Variants in PLB1 observed in about 807,000 individuals in gnomAD.
PLB1 encodes the protein phospholipase B1, membrane-associated.
Under a neutral mutation model 227.4 loss-of-function variants are expected in PLB1, and 242 were observed. The ratio of observed to expected loss-of-function variants is 1.06; its 90% confidence interval spans 0.96 to 1.18. The LOEUF is 1.18. PLB1 is among the 50% of genes most tolerant of loss of function. The pLI is 0.00. For synonymous variants in PLB1, 757 were observed against 682.2 expected, an observed-to-expected ratio of 1.11 and a Z score of -1.71; for missense variants, 1,858 against 1,816.3, an observed-to-expected ratio of 1.02 and a Z score of -0.42.
chr2:28,623,381 A>G (rs1687306544), intron 49 of PLB1, among the ~76,000 whole-genome samples: 1 of 152,176 alleles, frequency 6.6e-6, no homozygotes, highest in African/African-American at 2.4e-5. Flanking sequence ...AAGAAGCGGC[A>G]TTTGTAACTT....
chr2:28,505,039 A>G (rs2148159828), intron 1 of PLB1, among the ~76,000 whole-genome samples: 1 of 152,348 alleles, frequency 6.6e-6, no homozygotes, highest in Middle Eastern at 3.4e-3. Flanking sequence ...TTTGAGGATC[A>G]CTTCAAACTA....
chr2:28,615,402 C>T (rs1308202685), intron 44 of PLB1, among the ~76,000 whole-genome samples: 1 of 152,180 alleles, frequency 6.6e-6, no homozygotes, highest in Non-Finnish European at 1.5e-5. Context: ...TCAAAGATCT[C>T]CCTGACTGCT....
rs140873408 is a variant in PLB1, at chr2:28,496,418, C to T, written c.55+249C>T. 2.8e-3 allele frequency among the ~76,000 whole-genome samples: 423 copies of T among 152,186 alleles called. 3 individuals are homozygous for T. The highest frequency in any genetic ancestry group is 9.5e-3 in the African/African-American group (394 of 41,498). On this transcript the variant is annotated intron_variant, in intron 1 of 57. Transcript: ENST00000327757. ...CTTGGGACAGGAGAGAAGTGCAGTC[C>T]GGTAGCAGTACCATGGTACAAAAAA...
intron 56 of PLB1, among the ~76,000 whole-genome samples, chr2:28,635,309 A>C (rs1211140780): frequency 6.6e-6 from 1 of 152,182 alleles, no homozygotes; most frequent in Non-Finnish European, 1.5e-5. Flanking sequence ...TTTCACCCCT[A>C]GAGTAACAAA....
intron 21 of PLB1, among the ~76,000 whole-genome samples, chr2:28,576,902 C>T (rs931013426): frequency 6.6e-6 from 1 of 152,172 alleles, no homozygotes; most frequent in Non-Finnish European, 1.5e-5. Flanking sequence ...TACTATGACT[C>T]ACATCAGGCC....
rs368188253 is a variant in PLB1 at position 28,566,865 on chromosome 2, GT to G, written c.1324+29del. The G allele has an allele frequency of 3.0e-5, 48 of 1,613,778 alleles. No homozygotes were observed. The African/African-American group carries it at 5.6e-4, about 19-fold the overall frequency. ...GTGAGTACGCGGCGGCGGCCGGGAT[GT>G]TTGGTTTGGGGCGGCCCCTGCACGC... is the stretch of plus-strand genomic sequence containing the variant. On this transcript the variant is annotated intron_variant, in intron 20 of 57. Coordinates refer to ENST00000327757, the MANE Select transcript of PLB1 (RefSeq NM_153021.5).
chr2:28,641,379 G>T (rs185237908), intron 57 of PLB1, among the ~76,000 whole-genome samples: 1 of 152,292 alleles, frequency 6.6e-6, no homozygotes, highest in East Asian at 1.9e-4. Context: ...AGGCCGAGGC[G>T]GTCAGATCAC....
chr2:28,541,852 G>C, intron 13 of PLB1, 41 bp downstream of exon 13: 1 of 1,502,742 alleles, frequency 6.7e-7, no homozygotes, highest in Non-Finnish European at 9.2e-7. Flanking sequence ...TGTGGTGGGG[G>C]CCGGGCATGG....
chr2:28,538,598 G>T (rs980318647), intron 10 of PLB1, among the ~76,000 whole-genome samples: 1 of 152,128 alleles, frequency 6.6e-6, no homozygotes, highest in East Asian at 1.9e-4. Flanking sequence ...AGAGAAACTC[G>T]GCTCTTCCTT....
chr2:28,608,667 C>T (rs1358419495), intron 43 of PLB1, among the ~76,000 whole-genome samples: 1 of 152,216 alleles, frequency 6.6e-6, no homozygotes, highest in South Asian at 2.1e-4. Flanking sequence ...CCTTTCCTAA[C>T]CCCAGGGCAG....
intron 56 of PLB1, among the ~76,000 whole-genome samples, chr2:28,638,326 C>T (rs1689603132): frequency 6.6e-6 from 1 of 151,962 alleles, no homozygotes; most frequent in Admixed American, 6.6e-5. Context: ...CCCACATGGG[C>T]CTAGAGTCAG....
chr2:28,553,706 G>T (rs932469043), intron 17 of PLB1, among the ~76,000 whole-genome samples: 5 of 152,158 alleles, frequency 3.3e-5, no homozygotes, highest in African/African-American at 9.7e-5. Context: ...AAAGGGGGGG[G>T]ACTCACGTGT....
chr2:28,640,871 G>C (rs1390722053), intron 56 of PLB1, 56 bp from the exon 57 acceptor site: 13 of 1,535,378 alleles, frequency 8.5e-6, no homozygotes, highest in Non-Finnish European at 1.1e-5. Context: ...CCCCCTCAGA[G>C]AGGAAAGTGT....
intron 14 of PLB1, among the ~76,000 whole-genome samples, chr2:28,545,511 CCGGGCTCTGATTT>C (rs1673113470): frequency 6.6e-6 from 1 of 152,158 alleles, no homozygotes; most frequent in African/African-American, 2.4e-5. Flanking sequence ...GCCAGAAAAC[CCGGGCTCTGATTT>C]CGGTCCCACT....
intron 17 of PLB1, among the ~76,000 whole-genome samples, chr2:28,562,061 A>G (rs1249870634): frequency 6.6e-6 from 1 of 152,202 alleles, no homozygotes; most frequent in Non-Finnish European, 1.5e-5. Flanking sequence ...GTTTTTGGTT[A>G]CTAAGGACTG....
intron 21 of PLB1, among the ~76,000 whole-genome samples, 176 bp from the exon 22 acceptor site, chr2:28,577,931 C>G (rs1032712307): frequency 2.3e-4 from 35 of 152,256 alleles, no homozygotes; most frequent in Non-Finnish European, 1.2e-4. Context: ...CCACCCCACA[C>G]CCCCGCAGTG....
intron 18 of PLB1, among the ~76,000 whole-genome samples, chr2:28,564,940 A>G (rs1676639028): frequency 6.6e-6 from 1 of 152,266 alleles, no homozygotes; most frequent in Non-Finnish European, 1.5e-5. Flanking sequence ...ACAACTTTAA[A>G]AAAATGAGAA....
chr2:28,642,434 A>G (rs1690078875), intron 57 of PLB1, among the ~76,000 whole-genome samples: 1 of 152,108 alleles, frequency 6.6e-6, no homozygotes, highest in Non-Finnish European at 1.5e-5. Context: ...GGGATCTTTC[A>G]TCTACTACAA....
In PLB1 at chr2:28,618,353, G is replaced by A. The variant is rs180811630; in HGVS notation, c.3269G>A (p.Arg1090Gln). 2.1e-5 allele frequency: 34 copies of A among 1,614,068 alleles called. 1 individual carries two copies. The South Asian group carries it at 2.6e-4, about 13-fold the overall frequency. Reference sequence around the variant, plus strand: ...TTGTCTCCCCTAGTCCACCAGCTCCGACCAGCAGACATCAAAGTGGTGGCC... The same window carrying A: ...TTGTCTCCCCTAGTCCACCAGCTCCAACCAGCAGACATCAAAGTGGTGGCC... The part of the protein sequence containing the change: ...NSVPTSVHQL[R>Q]PADIKVVAAL... The change falls in exon 46 of 58, where the codon CGA becomes CAA. Residue 1090 changes from arginine to glutamine, a missense_variant. Transcript: ENST00000327757.
Sources: allele counts gnomAD v4.1 joint callset (sites outside exome capture counted in the v4.1 genomes callset), GRCh38; gene constraint gnomAD v4.1.1; transcripts MANE v1.5; gene names NCBI Gene and HGNC (gene_info 2026-07-23, HGNC 2026-07-21).